The following KALRN variants were observed in gnomAD, a reference collection of about 807,000 sequenced individuals.
KALRN encodes the protein kalirin RhoGEF kinase.
In KALRN, 70 loss-of-function variants were observed where a neutral mutation model predicts 353.7. The observed-to-expected ratio is 0.20, with a 90% confidence interval of 0.16 to 0.24. The LOEUF is 0.24. Among genes scored for constraint, KALRN ranks in the 10% least tolerant of loss-of-function variants. The pLI, the probability that KALRN is intolerant of heterozygous loss-of-function variation, is 1.00. For missense variants in KALRN, 2,791 were observed against 3,756.7 expected (o/e 0.74, Z 6.72); for synonymous variants, 1,391 against 1,434.8 (o/e 0.97, Z 0.69).
chr3:124,543,849 G>A (rs1185949633), intron 33 of KALRN, among the ~76,000 whole-genome samples: 1 of 152,062 alleles, frequency 6.6e-6, no homozygotes, highest in East Asian at 1.9e-4. Context: ...GAAAGACAAG[G>A]GAAAAACAGA....
intron 10 of KALRN, 106 bp downstream of exon 10, chr3:124,347,371 CTG>C (rs10663884): frequency 0.014 from 7,624 of 560,626 alleles, 8 homozygotes; most frequent in East Asian, 0.076. Flanking sequence ...AGGTGAGAAG[CTG>C]TGTGTGTGTG....
intron 10 of KALRN, among the ~76,000 whole-genome samples, chr3:124,375,436 G>T (rs994603071): frequency 6.6e-6 from 1 of 152,136 alleles, no homozygotes; most frequent in Non-Finnish European, 1.5e-5. Context: ...GCTAGTCCTG[G>T]CTCCCCTAGG....
intron 25 of KALRN, among the ~76,000 whole-genome samples, chr3:124,466,013 G>C (rs562737511): frequency 5.4e-5 from 8 of 149,268 alleles, no homozygotes; most frequent in African/African-American, 2.0e-4. Context: ...ATTGCAACCA[G>C]GATTAGTTCT....
chr3:124,153,905 A>G (rs1177165191), intron 1 of KALRN, among the ~76,000 whole-genome samples: 5 of 152,066 alleles, frequency 3.3e-5, no homozygotes, highest in African/African-American at 1.2e-4. Context: ...TTTTGGCTGC[A>G]TAAATGTCTT....
chr3:124,282,374 T>C (rs1222905753), intron 5 of KALRN, among the ~76,000 whole-genome samples: 1 of 138,276 alleles, frequency 7.2e-6, no homozygotes, highest in Non-Finnish European at 1.6e-5. Flanking sequence ...CTGCCCTACA[T>C]TTTTCTTTTT....
intron 34 of KALRN, among the ~76,000 whole-genome samples, chr3:124,576,005 A>G (rs2074053635): frequency 6.6e-6 from 1 of 151,930 alleles, no homozygotes; most frequent in Non-Finnish European, 1.5e-5. Flanking sequence ...CTGAGCCATT[A>G]CCAATCAAGC....
At chr3:124,526,950 G>T (rs1434740937) in intron 33 of KALRN, among the ~76,000 whole-genome samples, 1 of 152,148 alleles carries the variant, frequency 6.6e-6, no homozygotes, top group Non-Finnish European at 1.5e-5. Flanking sequence ...CACTATTCTA[G>T]ACAGGAAAAA....
intron 13 of KALRN, among the ~76,000 whole-genome samples, chr3:124,406,703 T>C (rs2091576168): frequency 1.3e-5 from 2 of 152,224 alleles, no homozygotes; most frequent in Admixed American, 1.3e-4. Flanking sequence ...TTGATTAATG[T>C]ATATAATCAC....
intron 33 of KALRN, among the ~76,000 whole-genome samples, chr3:124,542,302 G>T (rs778372283): frequency 2.0e-5 from 3 of 152,202 alleles, no homozygotes; most frequent in Non-Finnish European, 4.4e-5. Flanking sequence ...CTGGAACTTA[G>T]TAGCCGTGTG....
chr3:124,328,046 A>T (rs2080103285), intron 7 of KALRN, among the ~76,000 whole-genome samples: 1 of 152,228 alleles, frequency 6.6e-6, no homozygotes, highest in African/African-American at 2.4e-5. Context: ...TAAACAGTGG[A>T]CATTACTACT....
chr3:124,339,819 C>A (rs2081505123), intron 9 of KALRN, among the ~76,000 whole-genome samples: 1 of 152,194 alleles, frequency 6.6e-6, no homozygotes. Flanking sequence ...TTACCTAAAA[C>A]ATCAAGCATC....
chr3:124,456,525 T>TC, intron 22 of KALRN, 85 bp from the exon 23 acceptor site: 1 of 845,202 alleles, frequency 1.2e-6, no homozygotes, highest in East Asian at 2.6e-5. Flanking sequence ...TATCTTTTTT[T>TC]CCCCCTTTTA....
At chr3:124,113,736 G>C (rs890165214) in intron 1 of KALRN, among the ~76,000 whole-genome samples, 3 of 152,234 alleles carry the variant, frequency 2.0e-5, no homozygotes, top group African/African-American at 7.2e-5. Flanking sequence ...TGCTGGCTCA[G>C]CCTGCGAGGC....
chr3:124,412,407 A>G (rs1308948356), intron 13 of KALRN, among the ~76,000 whole-genome samples: 1 of 152,258 alleles, frequency 6.6e-6, no homozygotes, highest in Non-Finnish European at 1.5e-5. Context: ...CTGAGAAAAG[A>G]GGATGACAGT....
chr3:124,185,066 A>T (rs1036631015), intron 1 of KALRN, among the ~76,000 whole-genome samples: 6 of 152,138 alleles, frequency 3.9e-5, no homozygotes, highest in African/African-American at 1.4e-4. Context: ...CCCAAGCTGG[A>T]GTGCAATGGC....
chr3:124,480,099 C>T (rs2061838296), intron 27 of KALRN, among the ~76,000 whole-genome samples: 1 of 152,210 alleles, frequency 6.6e-6, no homozygotes, highest in South Asian at 2.1e-4. Flanking sequence ...GCCCCTCCCT[C>T]TCTGCTCCAC....
intron 34 of KALRN, among the ~76,000 whole-genome samples, chr3:124,596,661 G>C (rs1276584858): frequency 3.9e-5 from 6 of 152,154 alleles, no homozygotes; most frequent in Non-Finnish European, 1.5e-5. Flanking sequence ...TCTTCATAGG[G>C]TTTTTGCAAG....
intron 51 of KALRN, among the ~76,000 whole-genome samples, chr3:124,685,107 AAG>A (rs2061501217): frequency 6.6e-6 from 1 of 152,234 alleles, no homozygotes; most frequent in African/African-American, 2.4e-5. Flanking sequence ...ATTTTATAAA[AAG>A]AATTTTTTCA....
intron 46 of KALRN, 47 bp downstream of exon 46, chr3:124,666,681 C>T: frequency 6.6e-7 from 1 of 1,506,968 alleles, no homozygotes; most frequent in Non-Finnish European, 9.2e-7. Context: ...GAGCCCAGTT[C>T]TTGGGAGCTG....
Sources: allele counts gnomAD v4.1 joint callset (sites outside exome capture counted in the v4.1 genomes callset), GRCh38; gene constraint gnomAD v4.1.1; transcripts MANE v1.5; gene names NCBI Gene and HGNC (gene_info 2026-07-23, HGNC 2026-07-21).